The following SYT1 variants were observed in gnomAD, a reference collection of about 807,000 sequenced individuals.
The protein encoded by SYT1 is synaptotagmin-1.
Under a neutral mutation model 44.8 loss-of-function variants are expected in SYT1, and 8 were observed. The ratio of observed to expected loss-of-function variants is 0.18; its 90% CI spans 0.10 to 0.32. The LOEUF is 0.32. Ranked by LOEUF, SYT1 falls within the 10% of genes least tolerant of loss-of-function variation. The probability of loss-of-function intolerance (pLI) is 1.00; values close to 1 mark genes in which losing one functional copy is unlikely to be tolerated. For synonymous variants in SYT1, 154 were observed against 188.8 expected, an observed-to-expected ratio of 0.82 and a Z score of 1.51; for missense variants, 286 against 509.3, an observed-to-expected ratio of 0.56 and a Z score of 4.22.
At chr12:79,175,011 T>C (rs1322114409) in intron 3 of SYT1, among the ~76,000 whole-genome samples, 1 of 152,076 alleles carries the variant, frequency 6.6e-6, no homozygotes, top group Non-Finnish European at 1.5e-5. Flanking sequence ...TGGAAAGTGT[T>C]TTATTATATC....
chr12:79,382,980 A>C (rs576257701), intron 9 of SYT1, among the ~76,000 whole-genome samples: 4 of 152,344 alleles, frequency 2.6e-5, no homozygotes, highest in South Asian at 4.1e-4. Context: ...GTCTTCTATG[A>C]ATGCTCGAAG....
At position 79,252,582 on chromosome 12, in the gene SYT1, C is replaced by T. The variant is rs1877283443; in HGVS notation, c.167-33205C>T. On this transcript the variant is annotated intron_variant, in intron 4 of 10. Coordinates refer to ENST00000261205, the MANE Select transcript of SYT1 (RefSeq NM_005639.3). ...CATTTGATTGTTGATATGAGATCAT[C>T]CAGACCTCATTCTTCTTTCAGGAAC... is the stretch of plus-strand genomic sequence containing the variant. Among the ~76,000 whole-genome samples, 3 of 152,182 alleles carry T rather than the reference C, an allele frequency of 2.0e-5. No homozygotes were observed. The South Asian group carries it at 6.2e-4, about 32-fold the overall frequency.
intron 3 of SYT1, among the ~76,000 whole-genome samples, chr12:79,121,607 C>T (rs1879603269): frequency 6.6e-6 from 1 of 152,204 alleles, no homozygotes; most frequent in Non-Finnish European, 1.5e-5. Context: ...CCATAACCTG[C>T]TCCCATGCCC....
intron 3 of SYT1, among the ~76,000 whole-genome samples, chr12:79,133,594 C>A (rs1167039456): frequency 6.6e-6 from 1 of 152,022 alleles, no homozygotes; most frequent in East Asian, 1.9e-4. Flanking sequence ...GCATTGCTAC[C>A]TCTAATGATG....
At chr12:79,152,514 A>G (rs544463882) in intron 3 of SYT1, among the ~76,000 whole-genome samples, 78 of 152,238 alleles carry the variant, frequency 5.1e-4, no homozygotes, top group African/African-American at 1.7e-3. Context: ...CTGAAGGGAA[A>G]TGTATGAGAG....
At chr12:78,871,097 G>T (rs1385966409) in intron 1 of SYT1, among the ~76,000 whole-genome samples, 2 of 151,884 alleles carry the variant, frequency 1.3e-5, no homozygotes, top group African/African-American at 2.4e-5. Context: ...AAGCTGAAAG[G>T]ATTGTTTAAA....
chr12:79,043,512 A>T (rs1873753351), intron 2 of SYT1, among the ~76,000 whole-genome samples: 1 of 149,918 alleles, frequency 6.7e-6, no homozygotes, highest in Non-Finnish European at 1.5e-5. Context: ...TTTTGAGCCT[A>T]TGTGTGTCTC....
chr12:79,229,962 T>A (rs1172179659), intron 4 of SYT1, among the ~76,000 whole-genome samples: 1 of 152,090 alleles, frequency 6.6e-6, no homozygotes, highest in Non-Finnish European at 1.5e-5. Context: ...GGGGTCATTT[T>A]CAGTATATTA....
chr12:79,392,372 T>A (rs1884692320), intron 9 of SYT1: 1 of 152,182 alleles, frequency 6.6e-6, no homozygotes, highest in South Asian at 2.1e-4. Flanking sequence ...TTTCATAATT[T>A]GAAATAAACT....
chr12:78,968,713 G>A (rs909267659), intron 1 of SYT1, among the ~76,000 whole-genome samples: 3 of 152,084 alleles, frequency 2.0e-5, no homozygotes, highest in Non-Finnish European at 4.4e-5. Context: ...AATTAAGCAG[G>A]ATACCTAATT....
chr12:79,159,920 A>G, intron 3 of SYT1, among the ~76,000 whole-genome samples: 1 of 152,156 alleles, frequency 6.6e-6, no homozygotes, highest in East Asian at 1.9e-4. Flanking sequence ...CTTAGGCAAA[A>G]GTAGAATTGA....
At chr12:79,053,060 A>C (rs1353825379) in intron 3 of SYT1, among the ~76,000 whole-genome samples, 1 of 152,202 alleles carries the variant, frequency 6.6e-6, no homozygotes, top group Non-Finnish European at 1.5e-5. Context: ...GTGCACATGT[A>C]TGTTTATTGC....
chr12:78,962,986 C>A (rs1039800758), intron 1 of SYT1, among the ~76,000 whole-genome samples: 14 of 152,094 alleles, frequency 9.2e-5, no homozygotes, highest in African/African-American at 3.1e-4. Flanking sequence ...TAGTCTCGGG[C>A]AACCACCATT....
chr12:79,287,713 A>C (rs562178257), intron 5 of SYT1, among the ~76,000 whole-genome samples: 1 of 152,270 alleles, frequency 6.6e-6, no homozygotes, highest in South Asian at 2.1e-4. Context: ...TTTGTTCTGT[A>C]TGATGTAAAA....
At chr12:79,190,309 A>C (rs1172190695) in intron 3 of SYT1, among the ~76,000 whole-genome samples, 1 of 152,130 alleles carries the variant, frequency 6.6e-6, no homozygotes, top group African/African-American at 2.4e-5. Flanking sequence ...ATCACCTGTG[A>C]AGAATCAACT....
chr12:79,021,267 C>G (rs2137623407), intron 2 of SYT1, among the ~76,000 whole-genome samples: 1 of 151,946 alleles, frequency 6.6e-6, no homozygotes, highest in South Asian at 2.1e-4. Context: ...TGGTTTTGGA[C>G]TGTTGAGAAA....
chr12:78,880,745 T>C (rs1281639966), intron 1 of SYT1, among the ~76,000 whole-genome samples: 7 of 151,664 alleles, frequency 4.6e-5, no homozygotes, highest in East Asian at 1.9e-4. Context: ...TCTTTTTTTT[T>C]GTAGACTAAG....
intron 1 of SYT1, among the ~76,000 whole-genome samples, chr12:78,900,616 G>A (rs1475145907): frequency 6.6e-6 from 1 of 151,984 alleles, no homozygotes; most frequent in East Asian, 1.9e-4. Context: ...ACATTAGAGT[G>A]GAGCATGGAG....
At chr12:79,139,864 C>T (rs1869446034) in intron 3 of SYT1, among the ~76,000 whole-genome samples, 1 of 152,182 alleles carries the variant, frequency 6.6e-6, no homozygotes. Flanking sequence ...TTCTAGTCCT[C>T]CATTACCAAA....
Sources: gnomAD v4.1 joint callset for allele counts (sites outside exome capture counted in the v4.1 genomes callset) on GRCh38, gnomAD v4.1.1 for gene constraint, MANE v1.5 for transcripts, NCBI Gene and HGNC (gene_info 2026-07-23, HGNC 2026-07-21) for gene names.